Variants in LTBP2 observed in about 807,000 individuals in gnomAD.
LTBP2 encodes the protein latent-transforming growth factor beta-binding protein 2.
Under a neutral mutation model 210.6 loss-of-function variants are expected in LTBP2, and 103 were observed. The observed-to-expected ratio is 0.49, with a 90% CI of 0.42 to 0.58. The LOEUF (loss-of-function observed/expected upper bound fraction) is 0.58. LTBP2 is among the 20% of genes least tolerant of loss of function. The probability of loss-of-function intolerance (pLI) is 0.00; values close to 1 mark genes in which losing one functional copy is unlikely to be tolerated. For synonymous variants in LTBP2, 1,007 were observed against 1,015.0 expected, an observed-to-expected ratio of 0.99 and a Z score of 0.15; for missense variants, 2,313 against 2,494.5, an observed-to-expected ratio of 0.93 and a Z score of 1.55.
rs371257103 is a variant in LTBP2, at chr14:74,504,051, G to T, written c.4457C>A (p.Ala1486Glu). ...WTFGQTMYTD[A>E]DECVIFGPGL... ...AGGCCCGAATATCACACACTCATCCGCATCTGTGGAAGGCAGAGCTGAGGT... is the reference window on the plus strand; with the variant it reads ...AGGCCCGAATATCACACACTCATCCTCATCTGTGGAAGGCAGAGCTGAGGT... The change falls in exon 31 of 36, where the codon GCG becomes GAG. Residue 1486 changes from alanine to glutamate, a missense_variant. Physicochemically the swap from Ala to Glu is moderately radical, Grantham distance 107. Transcript: ENST00000261978. The T allele has an allele frequency of 4.3e-6, 7 of 1,613,738 alleles. No individual in the cohort carries two copies. Among genetic ancestry groups the T allele is most frequent in the Non-Finnish European group, 5.9e-6 (7 of 1,179,934 alleles).
At chr14:74,524,886 C>T (rs2087251830) in intron 15 of LTBP2, among the ~76,000 whole-genome samples, 1 of 152,198 alleles carries the variant, frequency 6.6e-6, no homozygotes, top group Non-Finnish European at 1.5e-5. Context: ...CCCTTCTCTT[C>T]CCCCTTCTGG....
chr14:74,610,548 C>A (rs1406586237), intron 1 of LTBP2, among the ~76,000 whole-genome samples: 1 of 152,240 alleles, frequency 6.6e-6, no homozygotes, highest in Non-Finnish European at 1.5e-5. Flanking sequence ...GGTGCCCCCA[C>A]CCAGCCCCTC....
intron 8 of LTBP2, among the ~76,000 whole-genome samples, chr14:74,537,352 A>G (rs535416007): frequency 2.0e-5 from 3 of 152,382 alleles, no homozygotes; most frequent in East Asian, 3.9e-4. Context: ...GAACTCAGCT[A>G]TAAGTCTGAC....
intron 2 of LTBP2, among the ~76,000 whole-genome samples, chr14:74,588,472 C>G (rs1308648166): frequency 1.3e-5 from 2 of 152,114 alleles, no homozygotes; most frequent in Admixed American, 1.3e-4. Context: ...CCGCCCACCT[C>G]GGCCTCCCAA....
chr14:74,572,000 CACTT>C (rs2087985526), intron 3 of LTBP2, among the ~76,000 whole-genome samples: 1 of 151,120 alleles, frequency 6.6e-6, no homozygotes. Context: ...CGCAGCTACT[CACTT>C]CCACCATGAA....
At chr14:74,601,389 T>A (rs574611347) in intron 2 of LTBP2, among the ~76,000 whole-genome samples, 175 of 152,124 alleles carry the variant, frequency 1.2e-3, no homozygotes, top group African/African-American at 3.9e-3. Flanking sequence ...CTACAAAAAA[T>A]TAATTAATTA....
intron 15 of LTBP2, 53 bp from the exon 16 acceptor site, chr14:74,522,971 G>A (rs1305684654): frequency 1.9e-6 from 3 of 1,590,618 alleles, no homozygotes; most frequent in Non-Finnish European, 2.6e-6. Flanking sequence ...GCTGGACAAA[G>A]GCAGTGGAGC....
intron 10 of LTBP2, among the ~76,000 whole-genome samples, 153 bp downstream of exon 10, chr14:74,532,273 G>C (rs114218618): frequency 6.6e-6 from 1 of 152,178 alleles, no homozygotes; most frequent in Non-Finnish European, 1.5e-5. Flanking sequence ...TTTTCACATT[G>C]GGCCCAACTC....
At chr14:74,502,576 A>G (rs146308929) in intron 34 of LTBP2, 77 bp downstream of exon 34, 7 of 1,597,150 alleles carry the variant, frequency 4.4e-6, no homozygotes, top group Admixed American at 1.7e-5. Context: ...TGCTGGCAAT[A>G]TGACTAGCAG....
Position 74,551,127 on chromosome 14 carries a change from G to C in LTBP2, c.1623C>G (p.Pro541=). 1.2e-6 allele frequency: 2 copies of C among 1,613,870 alleles called. No individual in the cohort carries two copies. Among genetic ancestry groups the C allele is most frequent in the Non-Finnish European group, 1.7e-6 (2 of 1,180,028 alleles). ...ARSGEPPRPL[P]PAAPRPRGLL... is the part of the protein sequence containing the mutation. ...GTCCTCGAGGCCTGGGTGCTGCTGG[G>C]GGCAGTGGCCGAGGGGGCTCTCCAG... Residue 541 remains proline, a synonymous_variant, in exon 7 of 36, where the codon CCC becomes CCG. Transcript: ENST00000261978.
At position 74,500,728 on chromosome 14, in the gene LTBP2, G is replaced by T; in HGVS notation, c.*156C>A. ...ATGGAGGCAATGACCGAAGCTTACA[G>T]CCAGAGGCTAAGCTGGGAGAGATGA... On this transcript the variant is annotated 3_prime_UTR_variant, in exon 36 of 36. Transcript: ENST00000261978. 2.0e-6 allele frequency: 2 copies of T among 1,012,850 alleles called. No homozygotes were observed. The highest frequency in any genetic ancestry group is 3.0e-6 in the Non-Finnish European group (2 of 659,214). The allele number at this position is 1,012,850 out of a possible 1,614,324, so 62.7% of individuals were successfully genotyped here.
At chr14:74,564,087 T>TTA (rs1194088935) in intron 3 of LTBP2, among the ~76,000 whole-genome samples, 2 of 14,352 alleles carry the variant, frequency 1.4e-4, no homozygotes, top group African/African-American at 6.3e-4. Context: ...ATATATATAT[T>TTA]TATATATATA....
intron 4 of LTBP2, among the ~76,000 whole-genome samples, chr14:74,555,284 G>T (rs1204014102): frequency 6.6e-6 from 1 of 152,120 alleles, no homozygotes; most frequent in Admixed American, 6.5e-5. Context: ...AGCAGTCTAG[G>T]TCTAAAGGTT....
At chr14:74,538,282 A>G (rs1025691927) in intron 8 of LTBP2, among the ~76,000 whole-genome samples, 7 of 152,142 alleles carry the variant, frequency 4.6e-5, no homozygotes, top group Non-Finnish European at 7.3e-5. Context: ...TGTATTTCAT[A>G]TAGTCTTCTC....
chr14:74,505,955 C>T (rs2086977590), intron 28 of LTBP2, 93 bp downstream of exon 28: 1 of 1,544,858 alleles, frequency 6.5e-7, no homozygotes, highest in Non-Finnish European at 8.9e-7. Flanking sequence ...CCAGTGTCCC[C>T]CTCAGCGGCT....
rs1464554849 is a variant in LTBP2 at position 74,526,084 on chromosome 14, A to G, written c.2419T>C (p.Trp807Arg). Residue 807 changes from tryptophan to arginine, a missense_variant, in exon 14 of 36, where the codon TGG becomes CGG. By Grantham distance (101) the Trp-to-Arg change is moderately radical. This residue lies in a region of LTBP2 where 1,867 missense variants were observed against 1,976.9 expected (regional missense o/e 0.94). Transcript: ENST00000261978. ...VTTSVTHAPA[W>R]VTGNATTPPM... is the part of the protein sequence containing the mutation. ...AGGAAGAGGGACTCACCTGTGACCCAGGCAGGTGCATGAGTGACACTGGTC... is the reference window on the plus strand; with the variant it reads ...AGGAAGAGGGACTCACCTGTGACCCGGGCAGGTGCATGAGTGACACTGGTC... 6.2e-7 allele frequency: 1 copy of G among 1,605,798 alleles called. No homozygotes were observed. The highest frequency in any genetic ancestry group is 8.5e-7 in the Non-Finnish European group (1 of 1,175,794).
Position 74,522,812 on chromosome 14 carries a change from G to T in LTBP2, c.2637C>A (p.His879Gln), listed in dbSNP as rs1197744874. Residue 879 changes from histidine (H) to glutamine (Q), a missense_variant, in exon 16 of 36, where the codon CAC becomes CAA. Transcript: ENST00000261978. ...TACCTGTGCAGTAGGCCTGGCTGGG[G>T]TGCAGCTGGTAGCCAGGGCTGCAGA... ...RCVCSPGYQLHPSQAYCTDDN... is the reference protein window; with the variant it reads ...RCVCSPGYQLQPSQAYCTDDN... 5 of 1,611,448 alleles carry T rather than the reference G, an allele frequency of 3.1e-6. No homozygotes were observed. Among genetic ancestry groups the T allele is most frequent in the Non-Finnish European group, 3.4e-6 (4 of 1,178,990 alleles).
At chr14:74,571,059 C>T (rs1473553280) in intron 3 of LTBP2, among the ~76,000 whole-genome samples, 2 of 151,410 alleles carry the variant, frequency 1.3e-5, no homozygotes, top group Non-Finnish European at 2.9e-5. Flanking sequence ...AGAGTGGGCA[C>T]GGTGGCTCAT....
Position 74,610,454 on chromosome 14 carries a change from A to C in LTBP2, c.494+997T>G, listed in dbSNP as rs141379391. ...AGGACTCGGGGTACAAGTGTCTTTC[A>C]TGCTGTTCCCCAGGACTAAACCCAA... is the stretch of plus-strand genomic sequence containing the variant. On this transcript the variant is annotated intron_variant, in intron 1 of 35. Transcript: ENST00000261978. Among the ~76,000 whole-genome samples the C allele has an allele frequency of 1.6e-4, 25 of 152,332 alleles. No individual in the cohort carries two copies. In the East Asian group the frequency reaches 4.8e-3, roughly 29 times the overall value.
Sources: gnomAD v4.1 joint callset for allele counts (sites outside exome capture counted in the v4.1 genomes callset) on GRCh38, gnomAD v4.1.1 for gene constraint, gnomAD v4.1.1 regional missense constraint, MANE v1.5 for transcripts, NCBI Gene and HGNC (gene_info 2026-07-23, HGNC 2026-07-21) for gene names.